Variants in ZEB2 observed in about 807,000 individuals in gnomAD.
ZEB2 encodes zinc finger E-box-binding homeobox 2.
In ZEB2, 6 loss-of-function variants were observed where a neutral mutation model predicts 99.9. The observed-to-expected ratio is 0.06, with a 90% CI of 0.03 to 0.12. The LOEUF is 0.12. Among genes scored for constraint, ZEB2 ranks in the 10% least tolerant of loss-of-function variants. The pLI is 1.00. For missense variants in ZEB2, 969 were observed against 1,502.8 expected (o/e 0.64, Z 5.87); for synonymous variants, 517 against 542.5 (o/e 0.95, Z 0.65).
In ZEB2 at chr2:144,512,165, G is replaced by A. The variant is rs142887210; in HGVS notation, c.73+5113C>T. The A allele has an allele frequency of 3.9e-6, 5 of 1,287,226 alleles. No individual in the cohort carries two copies. The African/African-American group carries it at 7.6e-5, about 20-fold the overall frequency. 79.7% of individuals were successfully genotyped at this position (1,287,226 alleles called of 1,614,324 possible). On this transcript the variant is annotated intron_variant, in intron 2 of 9. Transcript: ENST00000627532. ...CATTAGGGCAGACAATCAATTGTCT[G>A]TGAGCATTGCAAACCTGCACTCCCT...
intron 9 of ZEB2, among the ~76,000 whole-genome samples, chr2:144,391,193 A>G (rs1560602830): frequency 6.6e-6 from 1 of 152,354 alleles, no homozygotes; most frequent in East Asian, 1.9e-4. Context: ...CAGTAATTAA[A>G]TATCTTTAAT....
intron 4 of ZEB2, chr2:144,424,315 G>T (rs1370018619): frequency 3.9e-6 from 2 of 513,616 alleles, no homozygotes; most frequent in Admixed American, 2.0e-5. Flanking sequence ...GTAAAGAAAG[G>T]ATTAAAAGGA....
intron 2 of ZEB2, chr2:144,463,403 C>G (rs1239363149): frequency 6.6e-6 from 1 of 152,068 alleles, no homozygotes; most frequent in East Asian, 1.9e-4. Flanking sequence ...AAAGAGGTTA[C>G]CTATTCTCCG....
chr2:144,467,936 C>A (rs1224760781), intron 2 of ZEB2, among the ~76,000 whole-genome samples: 3 of 151,956 alleles, frequency 2.0e-5, no homozygotes, highest in Non-Finnish European at 4.4e-5. Context: ...TTAACACAGG[C>A]TGAATGGTAG....
chr2:144,510,718 T>TCTCTCTC (rs1705022052), intron 2 of ZEB2, among the ~76,000 whole-genome samples: 1 of 113,938 alleles, frequency 8.8e-6, no homozygotes, highest in African/African-American at 3.3e-5. Flanking sequence ...CTCTCTCTCT[T>TCTCTCTC]TCTCTCTCTC....
rs184114952 is a variant in ZEB2, at chr2:144,498,037, T to C, written c.73+19241A>G. Reference sequence around the variant, plus strand: ...TTAATATTATATATTATATAATATATATTAATATTATATATTATATAATAT... The same window carrying C: ...TTAATATTATATATTATATAATATACATTAATATTATATATTATATAATAT... On this transcript the variant is annotated intron_variant, in intron 2 of 9. Transcript: ENST00000627532. Among the ~76,000 whole-genome samples, 64 of 42,572 alleles carry C rather than the reference T, an allele frequency of 1.5e-3. 9 individuals are homozygous for C. Among genetic ancestry groups the C allele is most frequent in the African/African-American group, 5.8e-3 (58 of 10,030 alleles). The allele number at this position is 42,572 out of a possible 152,430, so 27.9% of individuals were successfully genotyped here.
In ZEB2 at chr2:144,385,139, T is replaced by G. The variant is rs940242232; in HGVS notation, c.*4312A>C. Reference sequence around the variant, plus strand: ...TTCAGAATTTATAGGAGTGCTTATATAAGCGATAATAATTGGACCAGTGTC... The same window carrying G: ...TTCAGAATTTATAGGAGTGCTTATAGAAGCGATAATAATTGGACCAGTGTC... On this transcript the variant is annotated 3_prime_UTR_variant, in exon 10 of 10. Coordinates refer to ENST00000627532, the MANE Select transcript of ZEB2 (RefSeq NM_014795.4). The G allele has an allele frequency of 2.6e-5, 4 of 152,192 alleles. No individual in the cohort carries two copies. Among genetic ancestry groups the G allele is most frequent in the African/African-American group, 4.8e-5 (2 of 41,464 alleles). 9.4% of individuals were successfully genotyped at this position (152,192 alleles called of 1,614,324 possible).
In ZEB2 at chr2:144,405,001, C is replaced by T. The variant is rs780748597; in HGVS notation, c.427G>A (p.Asp143Asn). 57 of 1,614,010 alleles carry T rather than the reference C, an allele frequency of 3.5e-5. No individual in the cohort carries two copies. The highest frequency in any genetic ancestry group is 4.7e-5 in the Non-Finnish European group (55 of 1,180,050). ...CTTTTGGCAAAGTATTCCTCAAAAT[C>T]TGATGTGCAATTTGCATTCTTCACT... Reference protein sequence around the residue: ...GTVKNANCTSDFEEYFAKRKL... With the variant: ...GTVKNANCTSNFEEYFAKRKL... Residue 143 changes from aspartate to asparagine, a missense_variant, in exon 5 of 10, where the codon GAT becomes AAT. Asp to Asn is a conservative substitution (Grantham distance 23). Transcript: ENST00000627532.
At chr2:144,517,173 G>T (rs898667459) in intron 2 of ZEB2, 105 bp downstream of exon 2, 5 of 1,420,938 alleles carry the variant, frequency 3.5e-6, no homozygotes, top group East Asian at 2.4e-5. Flanking sequence ...AGCCCTGGGC[G>T]CCGCCGCCGC....
At position 144,386,527 on chromosome 2, in the gene ZEB2, G is replaced by A. The variant is rs1357005449; in HGVS notation, c.*2924C>T. On this transcript the variant is annotated 3_prime_UTR_variant, in exon 10 of 10. Transcript: ENST00000627532. The stretch of plus-strand genomic sequence containing the variant: ...ACAAATGACAGAGAAGGGGGTAACA[G>A]GAGGGGCAAGGCAGGGTCTGCCCAC... The A allele has an allele frequency of 1.3e-5, 2 of 152,182 alleles. No individual in the cohort carries two copies. The highest frequency in any genetic ancestry group is 2.9e-5 in the Non-Finnish European group (2 of 68,026). The allele number at this position is 152,182 out of a possible 1,614,324, so 9.4% of individuals were successfully genotyped here.
chr2:144,435,042 G>C (rs1447286461), intron 2 of ZEB2, among the ~76,000 whole-genome samples: 1 of 152,192 alleles, frequency 6.6e-6, no homozygotes, highest in Non-Finnish European at 1.5e-5. Flanking sequence ...GATGTAACTG[G>C]TATAATCACT....
chr2:144,489,379 C>T (rs1704644708), intron 2 of ZEB2, among the ~76,000 whole-genome samples: 1 of 152,030 alleles, frequency 6.6e-6, no homozygotes, highest in Admixed American at 6.6e-5. Flanking sequence ...CCTAATAAAA[C>T]ATATTAGCTC....
intron 9 of ZEB2, among the ~76,000 whole-genome samples, chr2:144,395,238 G>C (rs1360712885): frequency 6.6e-6 from 1 of 151,960 alleles, no homozygotes; most frequent in African/African-American, 2.4e-5. Flanking sequence ...GGCTCAAGCA[G>C]TCTTCCTGCC....
intron 2 of ZEB2, among the ~76,000 whole-genome samples, chr2:144,441,077 T>A (rs1703909809): frequency 6.8e-6 from 1 of 147,528 alleles, no homozygotes; most frequent in Non-Finnish European, 1.5e-5. Flanking sequence ...CGGCTCTGCT[T>A]GGACACCACA....
intron 2 of ZEB2, among the ~76,000 whole-genome samples, chr2:144,457,890 C>A (rs1704142326): frequency 6.6e-6 from 1 of 152,016 alleles, no homozygotes; most frequent in Non-Finnish European, 1.5e-5. Context: ...ACATTTTGTC[C>A]TGTCCCAATT....
At chr2:144,471,345 C>G (rs1212430362) in intron 2 of ZEB2, among the ~76,000 whole-genome samples, 1 of 151,934 alleles carries the variant, frequency 6.6e-6, no homozygotes, top group Non-Finnish European at 1.5e-5. Context: ...CACCTCAATG[C>G]AACAAAAGGT....
At chr2:144,431,639 G>A (rs1703770953) in intron 2 of ZEB2, among the ~76,000 whole-genome samples, 1 of 151,706 alleles carries the variant, frequency 6.6e-6, no homozygotes, top group Admixed American at 6.6e-5. Flanking sequence ...GCTTAGGCAA[G>A]TTCAGGCTGG....
chr2:144,451,427 A>G (rs73962013), intron 2 of ZEB2, among the ~76,000 whole-genome samples: 2,338 of 152,344 alleles, frequency 0.015, 68 homozygotes, highest in African/African-American at 0.054. Flanking sequence ...GTATTGACTT[A>G]GCGTCTCTTA....
intron 9 of ZEB2, among the ~76,000 whole-genome samples, chr2:144,395,507 T>C (rs973617773): frequency 2.0e-5 from 3 of 151,990 alleles, no homozygotes; most frequent in African/African-American, 4.8e-5. Flanking sequence ...TCCTACACTT[T>C]TTCCCCCCCG....
Sources: allele counts gnomAD v4.1 joint callset (sites outside exome capture counted in the v4.1 genomes callset), GRCh38; gene constraint gnomAD v4.1.1; transcripts MANE v1.5; gene names NCBI Gene and HGNC (gene_info 2026-07-23, HGNC 2026-07-21).